GRID1: variants seen among roughly 807,000 people sequenced by gnomAD.
The protein encoded by GRID1 is glutamate receptor ionotropic, delta-1.
GRID1 carries 28 observed loss-of-function variants against 98.0 expected under a neutral mutation model. That is an observed-to-expected ratio of 0.29 (90% CI 0.21 to 0.39). GRID1 has a LOEUF of 0.39. Among genes scored for constraint, GRID1 ranks in the 10% least tolerant of loss-of-function variants. The pLI is 1.00. For missense variants in GRID1, 1,111 were observed against 1,340.5 expected (o/e 0.83, Z 2.67); for synonymous variants, 553 against 538.5 (o/e 1.03, Z -0.37).
chr10:86,193,065 A>G (rs1191236448), intron 3 of GRID1, among the ~76,000 whole-genome samples: 2 of 152,038 alleles, frequency 1.3e-5, no homozygotes, highest in East Asian at 3.8e-4. Flanking sequence ...CAGCCTCAGC[A>G]TCTCCTAACT....
chr10:85,676,567 G>A (rs931573703), intron 12 of GRID1, among the ~76,000 whole-genome samples: 5 of 152,168 alleles, frequency 3.3e-5, no homozygotes, highest in South Asian at 2.1e-4. Flanking sequence ...CCAACTACAG[G>A]CAAGAAAGCT....
At chr10:86,205,988 ATC>A (rs1246192404) in intron 3 of GRID1, among the ~76,000 whole-genome samples, 2 of 152,090 alleles carry the variant, frequency 1.3e-5, no homozygotes, top group African/African-American at 4.8e-5. Flanking sequence ...AGGCCAGGCA[ATC>A]GTCCAGTGTG....
rs1407767795 is a variant in GRID1 at position 85,916,728 on chromosome 10, T to C, written c.727-489A>G. ...TCTGGGGCTCCGAGTTTCCTTCAGTTCTTTAGGATCCATAGAACAAAGCTC... is the reference window on the plus strand; with the variant it reads ...TCTGGGGCTCCGAGTTTCCTTCAGTCCTTTAGGATCCATAGAACAAAGCTC... On this transcript the variant is annotated intron_variant, in intron 4 of 15. Transcript: ENST00000327946. The surrounding 1 kb of genome is among the most constrained non-coding windows in gnomAD (Gnocchi z 4.0). Among the ~76,000 whole-genome samples, 3 of 152,162 alleles carry C rather than the reference T, an allele frequency of 2.0e-5. No homozygotes were observed. The highest frequency in any genetic ancestry group is 2.9e-5 in the Non-Finnish European group (2 of 68,032).
intron 3 of GRID1, among the ~76,000 whole-genome samples, chr10:86,157,884 A>G (rs1382196089): frequency 1.3e-5 from 2 of 152,212 alleles, no homozygotes; most frequent in African/African-American, 2.4e-5. Context: ...GGGACTGTCC[A>G]TAAGTGTGGC....
rs1046033082 is a variant in GRID1 at position 86,286,678 on chromosome 10, T to C, written c.235+77263A>G. On this transcript the variant is annotated intron_variant, in intron 2 of 15. Coordinates refer to ENST00000327946, the MANE Select transcript of GRID1 (RefSeq NM_017551.3). Reference sequence around the variant, plus strand: ...GCAGGATTTCATCATAGTCCTGCCCTGCCATGTGACCGTGAGGGAGTTACC... The same window carrying C: ...GCAGGATTTCATCATAGTCCTGCCCCGCCATGTGACCGTGAGGGAGTTACC... 5.3e-5 allele frequency among the ~76,000 whole-genome samples: 8 copies of C among 152,338 alleles called. No homozygotes were observed. The South Asian group carries it at 1.5e-3, about 28-fold the overall frequency.
At chr10:85,847,777 T>C (rs1438517243) in intron 8 of GRID1, among the ~76,000 whole-genome samples, 1 of 152,086 alleles carries the variant, frequency 6.6e-6, no homozygotes, top group East Asian at 1.9e-4. Flanking sequence ...GTATCTACTT[T>C]GTGAATTGGG....
intron 4 of GRID1, among the ~76,000 whole-genome samples, chr10:86,115,516 C>T (rs999578390): frequency 6.6e-6 from 1 of 152,222 alleles, no homozygotes; most frequent in African/African-American, 2.4e-5. Context: ...CATGTCCTAA[C>T]TTCTTTAATC....
chr10:85,655,630 A>G (rs1461381402), intron 12 of GRID1, among the ~76,000 whole-genome samples: 1 of 152,152 alleles, frequency 6.6e-6, no homozygotes, highest in East Asian at 1.9e-4. Flanking sequence ...GCTGCTTGAG[A>G]TCTTCTAAAT....
chr10:86,244,433 C>T (rs1589424336), intron 2 of GRID1, among the ~76,000 whole-genome samples: 1 of 152,354 alleles, frequency 6.6e-6, no homozygotes, highest in Non-Finnish European at 1.5e-5. Context: ...ATGCTCCCGC[C>T]CTAATTTCTC....
chr10:86,066,906 A>G lies in GRID1; in HGVS notation c.726+71913T>C, dbSNP rs141779922. Among the ~76,000 whole-genome samples the G allele has an allele frequency of 2.0e-3, 298 of 152,258 alleles. 1 individual carries two copies. The highest frequency in any genetic ancestry group is 6.9e-3 in the African/African-American group (287 of 41,556). ...GGGGCCGCGCCGGCACAAGCATCCC[A>G]TAGGTGCTGGTAGGGCCTGGGGCTT... On this transcript the variant is annotated intron_variant, in intron 4 of 15. Transcript: ENST00000327946.
chr10:85,858,449 TG>T (rs1843134475), intron 6 of GRID1, among the ~76,000 whole-genome samples: 1 of 152,166 alleles, frequency 6.6e-6, no homozygotes, highest in African/African-American at 2.4e-5. Flanking sequence ...CTCAGCCACT[TG>T]AGGCCTAGAG....
intron 8 of GRID1, among the ~76,000 whole-genome samples, chr10:85,806,049 A>C (rs897289709): frequency 2.6e-5 from 4 of 151,866 alleles, no homozygotes; most frequent in African/African-American, 9.7e-5. Context: ...CTGGGAGAAA[A>C]TATTCACAAT....
At chr10:85,719,098 G>A (rs1233815245) in intron 12 of GRID1, among the ~76,000 whole-genome samples, 1 of 152,150 alleles carries the variant, frequency 6.6e-6, no homozygotes, top group Non-Finnish European at 1.5e-5. Flanking sequence ...TAGTCTCTTT[G>A]CTAAAACATA....
At chr10:86,007,470 T>C (rs1279820129) in intron 4 of GRID1, among the ~76,000 whole-genome samples, 1 of 152,184 alleles carries the variant, frequency 6.6e-6, no homozygotes, top group East Asian at 1.9e-4. Flanking sequence ...GGAGAATGGA[T>C]GGGCTGAGGG....
At chr10:86,098,922 A>ATTGAT (rs1319077404) in intron 4 of GRID1, among the ~76,000 whole-genome samples, 2 of 152,190 alleles carry the variant, frequency 1.3e-5, no homozygotes. Flanking sequence ...ATTGACTGCC[A>ATTGAT]TTGATGCCCA....
At chr10:85,644,824 C>T (rs888638842) in intron 13 of GRID1, among the ~76,000 whole-genome samples, 1 of 152,206 alleles carries the variant, frequency 6.6e-6, no homozygotes, top group African/African-American at 2.4e-5. Flanking sequence ...TCTTCTTCAC[C>T]GCCTCTCATT....
At chr10:85,870,848 C>G (rs1843271583) in intron 5 of GRID1, among the ~76,000 whole-genome samples, 1 of 152,118 alleles carries the variant, frequency 6.6e-6, no homozygotes, top group South Asian at 2.1e-4. Flanking sequence ...AACAGAGGGT[C>G]AGTACACCCC....
rs950023027 is a variant in GRID1 at position 86,192,026 on chromosome 10, G to T, written c.520+14338C>A. Among the ~76,000 whole-genome samples the T allele has an allele frequency of 6.6e-6, 1 of 152,178 alleles. No homozygotes were observed. Among genetic ancestry groups the T allele is most frequent in the African/African-American group, 2.4e-5 (1 of 41,428 alleles). On this transcript the variant is annotated intron_variant, in intron 3 of 15. Coordinates refer to ENST00000327946, the MANE Select transcript of GRID1 (RefSeq NM_017551.3). This position sits in a 1 kb window ranked among gnomAD's most constrained non-coding sequence, Gnocchi z 4.8. The stretch of plus-strand genomic sequence containing the variant: ...GGGATCTGAACTTGATCCTTAAGGA[G>T]AGGGGGAGACATTCAGGGGTCTAAG...
At chr10:86,053,043 C>T (rs552643500) in intron 4 of GRID1, among the ~76,000 whole-genome samples, 1 of 152,244 alleles carries the variant, frequency 6.6e-6, no homozygotes, top group East Asian at 1.9e-4. Context: ...GCCTCCCATA[C>T]GATGGAATGC....
Sources: allele counts gnomAD v4.1 joint callset (sites outside exome capture counted in the v4.1 genomes callset), GRCh38; gene constraint gnomAD v4.1.1; non-coding constraint Gnocchi (gnomAD v3.1); transcripts MANE v1.5; gene names NCBI Gene and HGNC (gene_info 2026-07-23, HGNC 2026-07-21).